The following NEMP2 variants were observed in gnomAD, a reference collection of about 807,000 sequenced individuals.
NEMP2 encodes nuclear envelope integral membrane protein 2.
In NEMP2, 53 loss-of-function variants were observed where a neutral mutation model predicts 54.2. The observed-to-expected ratio is 0.98, with a 90% confidence interval of 0.78 to 1.23. NEMP2 has a LOEUF of 1.23. Among genes scored for constraint, NEMP2 ranks in the 50% most tolerant of loss-of-function variants. The pLI is 0.00. For synonymous variants in NEMP2, 197 were observed against 190.3 expected (o/e 1.04, Z -0.29); for missense variants, 455 against 511.3 (o/e 0.89, Z 1.06).
the NEMP2 span, chr2:190,609,849 A>C: frequency 6.6e-6 from 1 of 152,174 alleles, no homozygotes; most frequent in South Asian, 2.1e-4. The surrounding 1 kb of genome is among the most constrained non-coding windows in gnomAD (Gnocchi z 4.7). Context: ...GAGGTGGTTG[A>C]TTTGTTCCCT....
At chr2:190,457,450 G>A in the NEMP2 span, among the ~76,000 whole-genome samples, 2 of 152,228 alleles carry the variant, frequency 1.3e-5, no homozygotes, top group South Asian at 4.2e-4. The surrounding 1 kb of genome is among the most constrained non-coding windows in gnomAD (Gnocchi z 5.1). Context: ...GTTTTTTGCT[G>A]ACAAGTCAAA....
the NEMP2 span, among the ~76,000 whole-genome samples, chr2:190,496,235 T>G: frequency 6.6e-6 from 1 of 151,314 alleles, no homozygotes; most frequent in African/African-American, 2.4e-5. The surrounding 1 kb of genome is among the most constrained non-coding windows in gnomAD (Gnocchi z 4.7). Flanking sequence ...GAAACAATGG[T>G]CAACATCACT....
chr2:190,517,105 A>T (rs912455277), intron 5 of NEMP2, among the ~76,000 whole-genome samples: 6 of 151,446 alleles, frequency 4.0e-5, no homozygotes, highest in Non-Finnish European at 7.4e-5. Context: ...AAAAAAAAAA[A>T]AAAAAAGAAG....
the NEMP2 span, chr2:190,609,880 G>C: frequency 2.6e-5 from 4 of 152,132 alleles, no homozygotes; most frequent in African/African-American, 9.7e-5. This position sits in a 1 kb window ranked among gnomAD's most constrained non-coding sequence, Gnocchi z 4.7. Context: ...TATTTCGGGG[G>C]CCTAGAATAG....
the NEMP2 span, among the ~76,000 whole-genome samples, chr2:190,571,261 G>A: frequency 6.6e-6 from 1 of 152,082 alleles, no homozygotes; most frequent in East Asian, 1.9e-4. Context: ...CCTTTTCCTT[G>A]GCCAGGCACG....
the NEMP2 span, among the ~76,000 whole-genome samples, chr2:190,470,625 T>G: frequency 6.6e-6 from 1 of 152,214 alleles, no homozygotes; most frequent in African/African-American, 2.4e-5. Context: ...CTAAACAGTC[T>G]GTGATTTGAT....
intron 5 of NEMP2, among the ~76,000 whole-genome samples, 176 bp downstream of exon 5, chr2:190,517,344 T>C (rs1019952773): frequency 9.2e-5 from 14 of 151,960 alleles, no homozygotes; most frequent in Admixed American, 3.3e-4. Context: ...AGCCTACATA[T>C]AGTAATAAAT....
the NEMP2 span, among the ~76,000 whole-genome samples, chr2:190,450,488 CTTTTTTTTT>C: frequency 5.1e-5 from 5 of 97,254 alleles, no homozygotes; most frequent in African/African-American, 7.9e-5. Context: ...TCTCTTTTTC[CTTTTTTTTT>C]TTTTTTTTTT....
rs370576765 is a variant in NEMP2 at position 190,528,258 on chromosome 2, C to T, written c.98-2880G>A. On this transcript the variant is annotated intron_variant, in intron 1 of 8. Coordinates refer to ENST00000409150, the MANE Select transcript of NEMP2 (RefSeq NM_001142645.2). This position sits in a 1 kb window ranked among gnomAD's most constrained non-coding sequence, Gnocchi z 4.3. ...AATGTCAAGGAATGTAGTATATAACCTGGAAGATCCTGAGCAACTGCAATG... is the reference window on the plus strand; with the variant it reads ...AATGTCAAGGAATGTAGTATATAACTTGGAAGATCCTGAGCAACTGCAATG... 2.6e-5 allele frequency among the ~76,000 whole-genome samples: 4 copies of T among 152,162 alleles called. No homozygotes were observed. Among genetic ancestry groups the T allele is most frequent in the African/African-American group, 9.7e-5 (4 of 41,434 alleles).
At chr2:190,475,180 C>T in the NEMP2 span, among the ~76,000 whole-genome samples, 3 of 152,196 alleles carry the variant, frequency 2.0e-5, no homozygotes, top group East Asian at 3.8e-4. Flanking sequence ...TCTCTCACCA[C>T]TCCTATTCAA....
chr2:190,435,009 T>G, the NEMP2 span, among the ~76,000 whole-genome samples: 1 of 152,168 alleles, frequency 6.6e-6, no homozygotes, highest in African/African-American at 2.4e-5. Flanking sequence ...GTGCTCCTTA[T>G]GAGAACCTAA....
the NEMP2 span, among the ~76,000 whole-genome samples, chr2:190,429,672 C>T: frequency 2.8e-4 from 43 of 152,104 alleles, no homozygotes; most frequent in Non-Finnish European, 4.6e-4. Flanking sequence ...GTTTAATATA[C>T]TCTGTGTCTT....
At chr2:190,561,910 A>T in the NEMP2 span, among the ~76,000 whole-genome samples, 1 of 152,162 alleles carries the variant, frequency 6.6e-6, no homozygotes, top group African/African-American at 2.4e-5. The surrounding 1 kb of genome is among the most constrained non-coding windows in gnomAD (Gnocchi z 5.4). Context: ...CCAACTTTTA[A>T]AATTTTTTAA....
At chr2:190,623,830 T>TA in the NEMP2 span, among the ~76,000 whole-genome samples, 1 of 151,974 alleles carries the variant, frequency 6.6e-6, no homozygotes, top group Non-Finnish European at 1.5e-5. Context: ...TATCAAGTTT[T>TA]AAAAAAACAC....
the NEMP2 span, among the ~76,000 whole-genome samples, chr2:190,463,127 G>A: frequency 6.6e-6 from 1 of 152,210 alleles, no homozygotes; most frequent in East Asian, 1.9e-4. This position sits in a 1 kb window ranked among gnomAD's most constrained non-coding sequence, Gnocchi z 4.4. Context: ...GAGGGACACA[G>A]AAATCCTGGC....
At chr2:190,614,496 A>G in the NEMP2 span, among the ~76,000 whole-genome samples, 139 of 152,368 alleles carry the variant, frequency 9.1e-4, 1 homozygote, top group African/African-American at 2.8e-3. The surrounding 1 kb of genome is among the most constrained non-coding windows in gnomAD (Gnocchi z 5.7). Context: ...ATGCACACAT[A>G]CACACATACA....
At chr2:190,436,594 C>G in the NEMP2 span, 1 of 1,614,232 alleles carries the variant, frequency 6.2e-7, no homozygotes, top group African/African-American at 1.3e-5. This position sits in a 1 kb window ranked among gnomAD's most constrained non-coding sequence, Gnocchi z 5.3. Flanking sequence ...TACCTCTTTC[C>G]TCACCATATC....
chr2:190,450,648 A>AAGTTTTGTATTTTT, the NEMP2 span, among the ~76,000 whole-genome samples: 1 of 151,912 alleles, frequency 6.6e-6, no homozygotes, highest in Admixed American at 6.6e-5. Flanking sequence ...ATGTGCCACC[A>AAGTTTTGTATTTTT]TGCCCAGCTA....
At chr2:190,547,613 C>A in the NEMP2 span, among the ~76,000 whole-genome samples, 1 of 152,204 alleles carries the variant, frequency 6.6e-6, no homozygotes, top group Non-Finnish European at 1.5e-5. This position sits in a 1 kb window ranked among gnomAD's most constrained non-coding sequence, Gnocchi z 6.2. Flanking sequence ...GCAACCTCCA[C>A]CTCCTGGGTT....
Sources: gnomAD v4.1 joint callset for allele counts (sites outside exome capture counted in the v4.1 genomes callset) on GRCh38, gnomAD v4.1.1 for gene constraint, Gnocchi (gnomAD v3.1) non-coding constraint, MANE v1.5 for transcripts, NCBI Gene and HGNC (gene_info 2026-07-23, HGNC 2026-07-21) for gene names.